The following DLG2 variants were observed in gnomAD, a reference collection of about 807,000 sequenced individuals.
DLG2 encodes discs large MAGUK scaffold protein 2, also known as disks large homolog 2.
DLG2 carries 45 observed loss-of-function variants against 132.5 expected under a neutral mutation model. The ratio of observed to expected loss-of-function variants is 0.34; its 90% CI spans 0.27 to 0.44. The LOEUF is 0.44. Among genes scored for constraint, DLG2 ranks in the 20% least tolerant of loss-of-function variants. DLG2 has a pLI of 1.00. For synonymous variants in DLG2, 424 were observed against 419.6 expected (o/e 1.01, Z -0.13); for missense variants, 1,045 against 1,196.9 (o/e 0.87, Z 1.87).
At chr11:85,483,270 G>C (rs2093341643) in intron 3 of DLG2, among the ~76,000 whole-genome samples, 1 of 152,210 alleles carries the variant, frequency 6.6e-6, no homozygotes. Flanking sequence ...AAATTTCTCA[G>C]CAGGGACGTT....
chr11:84,963,485 A>G (rs1326127690), intron 6 of DLG2, among the ~76,000 whole-genome samples: 1 of 152,184 alleles, frequency 6.6e-6, no homozygotes, highest in Non-Finnish European at 1.5e-5. Context: ...GAACTCTGAT[A>G]CCATTATTCA....
chr11:84,574,920 G>A (rs1381370218), intron 6 of DLG2, among the ~76,000 whole-genome samples: 1 of 152,036 alleles, frequency 6.6e-6, no homozygotes, highest in Non-Finnish European at 1.5e-5. Flanking sequence ...AGCCAACTGG[G>A]TAGATGCAAG....
At chr11:84,434,016 G>C (rs1004900403) in intron 7 of DLG2, among the ~76,000 whole-genome samples, 16 of 151,702 alleles carry the variant, frequency 1.1e-4, no homozygotes, top group Non-Finnish European at 1.9e-4. Context: ...TACTCGGAAG[G>C]CTGCGGTGGG....
chr11:84,162,301 T>C (rs2095564041), intron 9 of DLG2, among the ~76,000 whole-genome samples: 1 of 151,992 alleles, frequency 6.6e-6, no homozygotes, highest in South Asian at 2.1e-4. Flanking sequence ...TTCCAGGCTT[T>C]ATGAGTGTAT....
chr11:84,529,611 G>A (rs921454292), intron 7 of DLG2, among the ~76,000 whole-genome samples: 1 of 151,958 alleles, frequency 6.6e-6, no homozygotes, highest in Non-Finnish European at 1.5e-5. Flanking sequence ...TCTACAACAC[G>A]GATGACAAAA....
intron 7 of DLG2, among the ~76,000 whole-genome samples, chr11:84,495,762 A>G (rs1016709616): frequency 2.0e-5 from 3 of 152,142 alleles, no homozygotes; most frequent in Non-Finnish European, 2.9e-5. Context: ...CCTCCCTACT[A>G]TTCTCCAAGC....
chr11:84,176,968 T>C (rs2095989403), intron 8 of DLG2, among the ~76,000 whole-genome samples: 1 of 151,886 alleles, frequency 6.6e-6, no homozygotes, highest in African/African-American at 2.4e-5. Flanking sequence ...CTTCTTGGAA[T>C]AGGAAGACTC....
At chr11:85,432,171 T>A (rs953047483) in intron 3 of DLG2, among the ~76,000 whole-genome samples, 35 of 152,220 alleles carry the variant, frequency 2.3e-4, no homozygotes, top group African/African-American at 8.4e-4. Context: ...CATGCAAGGA[T>A]CAGCAGCCTC....
At chr11:84,474,440 A>G (rs924640081) in intron 7 of DLG2, among the ~76,000 whole-genome samples, 1 of 152,058 alleles carries the variant, frequency 6.6e-6, no homozygotes, top group Non-Finnish European at 1.5e-5. Flanking sequence ...GACTCCTCTA[A>G]GGATGATTTG....
chr11:85,057,473 A>C (rs1005254582), intron 6 of DLG2, among the ~76,000 whole-genome samples: 1 of 151,658 alleles, frequency 6.6e-6, no homozygotes, highest in Non-Finnish European at 1.5e-5. Flanking sequence ...AAACCAATAC[A>C]AGAGTAAATT....
intron 19 of DLG2, among the ~76,000 whole-genome samples, chr11:83,582,043 G>A (rs1482775176): frequency 1.2e-4 from 15 of 123,356 alleles, no homozygotes; most frequent in Admixed American, 4.4e-4. Context: ...TGCAACCTCC[G>A]CCTCACAGAT....
chr11:85,417,149 A>T (rs565265350), intron 3 of DLG2, among the ~76,000 whole-genome samples: 1 of 152,286 alleles, frequency 6.6e-6, no homozygotes, highest in South Asian at 2.1e-4. Context: ...AGTTTTTAGC[A>T]TGAAGTGGTG....
At chr11:85,380,373 C>T (rs998704708) in intron 3 of DLG2, among the ~76,000 whole-genome samples, 4 of 152,080 alleles carry the variant, frequency 2.6e-5, no homozygotes, top group African/African-American at 4.8e-5. Flanking sequence ...TAAAAGTGAA[C>T]ATGGGTTGGG....
chr11:84,829,945 T>C (rs1353796169), intron 6 of DLG2, among the ~76,000 whole-genome samples: 3 of 151,666 alleles, frequency 2.0e-5, no homozygotes, highest in African/African-American at 7.3e-5. Context: ...AAGATAGGAT[T>C]TGAGGCAGAG....
chr11:84,936,155 A>G (rs536861216), intron 6 of DLG2, among the ~76,000 whole-genome samples: 1 of 152,320 alleles, frequency 6.6e-6, no homozygotes, highest in Non-Finnish European at 1.5e-5. Flanking sequence ...TGTTAGGCCT[A>G]CGATACTGTA....
chr11:85,575,150 C>CAAA (rs201767866), intron 3 of DLG2, among the ~76,000 whole-genome samples: 7 of 128,338 alleles, frequency 5.5e-5, no homozygotes, highest in Admixed American at 1.6e-4. Context: ...ACCTCATTCA[C>CAAA]AAAAAAAAAA....
intron 2 of DLG2, among the ~76,000 whole-genome samples, chr11:85,619,181 C>T (rs1404853684): frequency 2.0e-5 from 3 of 152,052 alleles, no homozygotes; most frequent in African/African-American, 4.8e-5. Context: ...ATTGTCCCTA[C>T]GGGGAATTTC....
chr11:84,921,821 A>G (rs2092770138), intron 6 of DLG2, among the ~76,000 whole-genome samples: 1 of 152,220 alleles, frequency 6.6e-6, no homozygotes, highest in Non-Finnish European at 1.5e-5. Flanking sequence ...ATATTTGGGC[A>G]CACTTTTCAT....
chr11:83,655,562 GT>G (rs1213103590), intron 18 of DLG2, among the ~76,000 whole-genome samples: 2 of 152,194 alleles, frequency 1.3e-5, no homozygotes, highest in African/African-American at 2.4e-5. Flanking sequence ...AACCCTGAGA[GT>G]TTATGTGTAT....
Sources: gnomAD v4.1 joint callset for allele counts (sites outside exome capture counted in the v4.1 genomes callset) on GRCh38, gnomAD v4.1.1 for gene constraint, MANE v1.5 for transcripts, NCBI Gene and HGNC (gene_info 2026-07-23, HGNC 2026-07-21) for gene names.